Variants in GXYLT1 observed in about 807,000 individuals in gnomAD.
GXYLT1 encodes glycosyltransferase 8 domain containing 3.
Under a neutral mutation model 54.0 loss-of-function variants are expected in GXYLT1, and 29 were observed. That is an observed-to-expected ratio of 0.54 (90% CI 0.40 to 0.73). The LOEUF is 0.73. Ranked by LOEUF, GXYLT1 falls within the 30% of genes least tolerant of loss-of-function variation. GXYLT1 has a pLI of 0.00. For synonymous variants in GXYLT1, 176 were observed against 204.1 expected (o/e 0.86, Z 1.17); for missense variants, 490 against 553.4 (o/e 0.89, Z 1.15).
chr12:42,142,399 C>T (rs1321024867), intron 1 of GXYLT1, among the ~76,000 whole-genome samples: 1 of 151,070 alleles, frequency 6.6e-6, no homozygotes, highest in African/African-American at 2.4e-5. Context: ...TACACTGGTG[C>T]AATCATAGCT....
chr12:42,105,931 G>A lies in GXYLT1; in HGVS notation c.751C>T (p.Pro251Ser), dbSNP rs771170240. 1.2e-6 allele frequency: 2 copies of A among 1,614,038 alleles called. No homozygotes were observed. The highest frequency in any genetic ancestry group is 2.2e-5 in the South Asian group (2 of 91,074). ...IAAMAPEHEE[P>S]RIGWYNRFAR... ...AAGCGATTATACCATCCTATTCGAG[G>A]TTCCTCATGTTCTGGTGCCATTGCA... Residue 251 changes from proline (P) to serine (S), a missense_variant, in exon 5 of 8, where the codon CCT becomes TCT. Physicochemically the swap from Pro to Ser is moderately conservative, Grantham distance 74. Coordinates refer to ENST00000398675, the MANE Select transcript of GXYLT1 (RefSeq NM_173601.2).
chr12:42,090,040 G>A (rs552795749), intron 7 of GXYLT1, among the ~76,000 whole-genome samples: 2 of 152,114 alleles, frequency 1.3e-5, no homozygotes, highest in Non-Finnish European at 2.9e-5. Context: ...TGTAGTACTC[G>A]AGATTAAGTT....
At chr12:42,116,160 C>A (rs995640314) in intron 3 of GXYLT1, among the ~76,000 whole-genome samples, 1 of 151,734 alleles carries the variant, frequency 6.6e-6, no homozygotes, top group African/African-American at 2.4e-5. Flanking sequence ...CATGTTAGAC[C>A]TAAAACCATA....
rs2065284672 is a variant in GXYLT1 at position 42,085,424 on chromosome 12, CCG to C, written c.*2360_*2361del. 1 of 135,204 alleles carries C rather than the reference CCG, an allele frequency of 7.4e-6. No homozygotes were observed. The highest frequency in any genetic ancestry group is 7.3e-5 in the Admixed American group (1 of 13,734). The allele number at this position is 135,204 out of a possible 1,614,324, so 8.4% of individuals were successfully genotyped here. On this transcript the variant is annotated 3_prime_UTR_variant, in exon 8 of 8. Transcript: ENST00000398675. Reference sequence around the variant, plus strand: ...TTAGAGCCCATGGGGCTGAGATTCTCCGTTCACTGAGGAAATTTTATCTTATC... The same window carrying C: ...TTAGAGCCCATGGGGCTGAGATTCTCTTCACTGAGGAAATTTTATCTTATC...
chr12:42,137,582 C>A (rs1158149270), intron 1 of GXYLT1, among the ~76,000 whole-genome samples: 2 of 149,010 alleles, frequency 1.3e-5, no homozygotes, highest in African/African-American at 2.5e-5. Flanking sequence ...GCGGTGAAAC[C>A]CTGTCTCTAC....
At chr12:42,099,531 T>C (rs951228750) in intron 5 of GXYLT1, among the ~76,000 whole-genome samples, 1 of 152,206 alleles carries the variant, frequency 6.6e-6, no homozygotes, top group Non-Finnish European at 1.5e-5. Context: ...TATTCCTCCA[T>C]GCTGAGAACC....
At chr12:42,120,651 C>T (rs1332542530) in intron 2 of GXYLT1, among the ~76,000 whole-genome samples, 1 of 152,166 alleles carries the variant, frequency 6.6e-6, no homozygotes, top group Non-Finnish European at 1.5e-5. Context: ...CCATCTCAGC[C>T]TCCCAAGCAG....
At chr12:42,112,639 T>G (rs2065465611) in intron 3 of GXYLT1, among the ~76,000 whole-genome samples, 1 of 152,006 alleles carries the variant, frequency 6.6e-6, no homozygotes, top group Admixed American at 6.6e-5. Context: ...TATGGGACCA[T>G]GTGAAAAGAC....
intron 1 of GXYLT1, among the ~76,000 whole-genome samples, chr12:42,132,894 T>C (rs546822393): frequency 5.9e-5 from 9 of 152,056 alleles, no homozygotes; most frequent in African/African-American, 2.2e-4. Flanking sequence ...TTGTGAAGCT[T>C]TGAGCCACAC....
Position 42,097,955 on chromosome 12 carries a change from A to G in GXYLT1, c.943T>C (p.Trp315Arg). 1.2e-6 allele frequency: 2 copies of G among 1,603,230 alleles called. No homozygotes were observed. Among genetic ancestry groups the G allele is most frequent in the Non-Finnish European group, 1.7e-6 (2 of 1,170,600 alleles). ...ATATTCAATAGATCTTGATCACCCCATGTGATGTTTAGTTTGTATTTTTTA... is the reference window on the plus strand; with the variant it reads ...ATATTCAATAGATCTTGATCACCCCGTGTGATGTTTAGTTTGTATTTTTTA... ...LLKKYKLNIT[W>R]GDQDLLNIVF... Residue 315 changes from tryptophan to arginine, a missense_variant, in exon 6 of 8, where the codon TGG becomes CGG. Around this residue, in one of 2 missense-constraint regions of GXYLT1, gnomAD observed 342 missense variants for 342.6 expected, o/e 1.00. Coordinates refer to ENST00000398675, the MANE Select transcript of GXYLT1 (RefSeq NM_173601.2).
intron 4 of GXYLT1, among the ~76,000 whole-genome samples, chr12:42,106,770 G>T: frequency 7.7e-6 from 1 of 130,032 alleles, no homozygotes; most frequent in East Asian, 2.2e-4. Context: ...TTTTGAGACA[G>T]AGTCTCACTC....
chr12:42,120,448 C>A (rs2065524019), intron 2 of GXYLT1, among the ~76,000 whole-genome samples: 1 of 152,212 alleles, frequency 6.6e-6, no homozygotes, highest in Non-Finnish European at 1.5e-5. Context: ...TACCAACAGG[C>A]TTAAGTAACT....
At chr12:42,098,180 C>G (rs1297226211) in intron 5 of GXYLT1, 147 bp from the exon 6 acceptor site, 1 of 728,036 alleles carries the variant, frequency 1.4e-6, no homozygotes, top group African/African-American at 1.8e-5. Flanking sequence ...CATTTCTAAC[C>G]CTAAATGTGA....
At chr12:42,128,621 C>T (rs2065576996) in intron 2 of GXYLT1, among the ~76,000 whole-genome samples, 1 of 152,194 alleles carries the variant, frequency 6.6e-6, no homozygotes, top group Admixed American at 6.5e-5. Context: ...AAGGATGGAG[C>T]CACAATTAAC....
chr12:42,144,767 CGCCTT>C lies in GXYLT1; in HGVS notation c.-126_-122del. On this transcript the variant is annotated 5_prime_UTR_variant, in exon 1 of 8. Transcript: ENST00000398675. ...GTTCCTCACCCGCAGCCGCCGCCGC[CGCCTT>C]GCGCCCGCTCCCTTCCTTCCCTCCC... 1 of 650,932 alleles carries C rather than the reference CGCCTT, an allele frequency of 1.5e-6. No individual in the cohort carries two copies. The highest frequency in any genetic ancestry group is 2.2e-6 in the Non-Finnish European group (1 of 449,782). The allele number at this position is 650,932 out of a possible 1,614,324, so 40.3% of individuals were successfully genotyped here.
At chr12:42,142,554 G>T (rs562349799) in intron 1 of GXYLT1, among the ~76,000 whole-genome samples, 29 of 151,878 alleles carry the variant, frequency 1.9e-4, no homozygotes, top group African/African-American at 6.8e-4. Context: ...TGACGAGGCT[G>T]GTGTCAAACT....
At chr12:42,136,898 G>C (rs868164148) in intron 1 of GXYLT1, among the ~76,000 whole-genome samples, 9 of 151,986 alleles carry the variant, frequency 5.9e-5, no homozygotes, top group South Asian at 4.2e-4. Context: ...CTCAACCTCT[G>C]GAGTAGCTGG....
chr12:42,119,837 G>C (rs2065519907), intron 2 of GXYLT1, among the ~76,000 whole-genome samples: 1 of 152,040 alleles, frequency 6.6e-6, no homozygotes, highest in Admixed American at 6.6e-5. Flanking sequence ...ATAAGAAAAG[G>C]GCAAACATCA....
At position 42,097,986 on chromosome 12, in the gene GXYLT1, T is replaced by A. The variant is rs1441654372; in HGVS notation, c.912A>T (p.Pro304=). Residue 304 remains proline, a synonymous_variant, in exon 6 of 8, where the codon CCA becomes CCT. Coordinates refer to ENST00000398675, the MANE Select transcript of GXYLT1 (RefSeq NM_173601.2). ...TGTTTAGTTTGTATTTTTTAAGCAA[T>A]GGCATAAGTATATCTCCCCATTGTA... is the stretch of plus-strand genomic sequence containing the variant. The part of the protein sequence containing the change: ...VRLQWGDILM[P]LLKKYKLNIT... The A allele has an allele frequency of 6.2e-7, 1 of 1,606,208 alleles. No homozygotes were observed. Among genetic ancestry groups the A allele is most frequent in the Non-Finnish European group, 8.5e-7 (1 of 1,173,488 alleles).
Sources: gnomAD v4.1 joint callset for allele counts (sites outside exome capture counted in the v4.1 genomes callset) on GRCh38, gnomAD v4.1.1 for gene constraint, gnomAD v4.1.1 regional missense constraint, MANE v1.5 for transcripts, NCBI Gene and HGNC (gene_info 2026-07-23, HGNC 2026-07-21) for gene names.